Variants in HOMEZ observed in about 807,000 individuals in gnomAD.
HOMEZ encodes the protein homeobox and leucine zipper protein Homez.
Under a neutral mutation model 50.1 loss-of-function variants are expected in HOMEZ, and 20 were observed. That is an observed-to-expected ratio of 0.40 (90% CI 0.28 to 0.58). The LOEUF (loss-of-function observed/expected upper bound fraction) is 0.58. Ranked by LOEUF, HOMEZ falls within the 20% of genes least tolerant of loss-of-function variation. The probability of loss-of-function intolerance (pLI) is 0.46; values close to 1 mark genes in which losing one functional copy is unlikely to be tolerated. For synonymous variants in HOMEZ, 239 were observed against 254.7 expected, an observed-to-expected ratio of 0.94 and a Z score of 0.59; for missense variants, 579 against 680.5, an observed-to-expected ratio of 0.85 and a Z score of 1.66.
intron 1 of HOMEZ, among the ~76,000 whole-genome samples, chr14:23,280,715 AT>A (rs1164259694): frequency 6.7e-5 from 4 of 60,082 alleles, no homozygotes; most frequent in East Asian, 4.2e-4. Flanking sequence ...TTTTATTTTT[AT>A]TTTATTTTAT....
At chr14:23,277,566 C>G (rs960405468) in intron 1 of HOMEZ, among the ~76,000 whole-genome samples, 1 of 152,028 alleles carries the variant, frequency 6.6e-6, no homozygotes, top group East Asian at 1.9e-4. Context: ...CCAGCCTGGG[C>G]AACACAGTGA....
chr14:23,280,705 T>TTTA lies in HOMEZ; in HGVS notation c.41-3519_41-3518insTAA, dbSNP rs1555323531. On this transcript the variant is annotated intron_variant, in intron 1 of 1. Transcript: ENST00000357460. ...TTATATTTTATTTTTATTTTTATAT[T>TTTA]TTTATTTTTATTTTATTTTATTTTA... Among the ~76,000 whole-genome samples the TTTA allele has an allele frequency of 1.2e-4, 7 of 59,730 alleles. 1 individual carries two copies. The highest frequency in any genetic ancestry group is 1.5e-4 in the Non-Finnish European group (4 of 26,284). 39.2% of individuals were successfully genotyped at this position (59,730 alleles called of 152,430 possible).
chr14:23,276,730 T>G lies in HOMEZ; in HGVS notation c.498A>C (p.Gly166=), dbSNP rs767171943. Residue 166 remains glycine (G), a synonymous_variant, in exon 2 of 2, where the codon GGA becomes GGC. Coordinates refer to ENST00000357460, the MANE Select transcript of HOMEZ (RefSeq NM_020834.3). The surrounding 1 kb of genome is among the most constrained non-coding windows in gnomAD (Gnocchi z 4.1). ...PVPAPEQVGI[G]IGPPTLSKPT... ...GCTTGCTAAGAGTTGGAGGACCTAT[T>G]CCAATACCAACTTGCTCTGGAGCTG... The G allele has an allele frequency of 1.9e-6, 3 of 1,614,000 alleles. No individual in the cohort carries two copies. Among genetic ancestry groups the G allele is most frequent in the Non-Finnish European group, 2.5e-6 (3 of 1,179,886 alleles).
Position 23,276,111 on chromosome 14 carries a change from A to C in HOMEZ, c.1117T>G (p.Ser373Ala). The C allele has an allele frequency of 6.2e-7, 1 of 1,613,956 alleles. No homozygotes were observed. Among genetic ancestry groups the C allele is most frequent in the Non-Finnish European group, 8.5e-7 (1 of 1,179,872 alleles). The change falls in exon 2 of 2, where the codon TCC (serine) becomes GCC (alanine). Residue 373 changes from serine (S) to alanine (A), a missense_variant. Ser to Ala is a moderately conservative substitution (Grantham distance 99, BLOSUM62 1). Coordinates refer to ENST00000357460, the MANE Select transcript of HOMEZ (RefSeq NM_020834.3). This position sits in a 1 kb window ranked among gnomAD's most constrained non-coding sequence, Gnocchi z 4.1. ...KTKEQLAILK[S>A]FFLQCQWARR... Reference sequence around the variant, plus strand: ...GCCCACTGGCACTGTAAAAAAAAGGATTTAAGGATAGCCAGCTGCTCTTTG... The same window carrying C: ...GCCCACTGGCACTGTAAAAAAAAGGCTTTAAGGATAGCCAGCTGCTCTTTG...
rs1422439221 is a variant in HOMEZ at position 23,276,091 on chromosome 14, C to A, written c.1137G>T (p.Gln379His). 1.2e-6 allele frequency: 2 copies of A among 1,613,944 alleles called. No homozygotes were observed. The highest frequency in any genetic ancestry group is 1.7e-6 in the Non-Finnish European group (2 of 1,179,910). Residue 379 changes from glutamine to histidine, a missense_variant, in exon 2 of 2, where the codon CAG (glutamine) becomes CAT (histidine). Coordinates refer to ENST00000357460, the MANE Select transcript of HOMEZ (RefSeq NM_020834.3). The surrounding 1 kb of genome is among the most constrained non-coding windows in gnomAD (Gnocchi z 4.1). ...AILKSFFLQC[Q>H]WARREDYQKL... ...TTTGGTAATCCTCACGCCGTGCCCACTGGCACTGTAAAAAAAAGGATTTAA... is the reference window on the plus strand; with the variant it reads ...TTTGGTAATCCTCACGCCGTGCCCAATGGCACTGTAAAAAAAAGGATTTAA...
At position 23,277,033 on chromosome 14, in the gene HOMEZ, G is replaced by A; in HGVS notation, c.195C>T (p.Asp65=). The change falls in exon 2 of 2, where the codon GAC becomes GAT. Residue 65 remains aspartate (D), a synonymous_variant. Coordinates refer to ENST00000357460, the MANE Select transcript of HOMEZ (RefSeq NM_020834.3). ...WTQAAQTSEL[D]SNEHLLKTFS... Reference sequence around the variant, plus strand: ...AGGTTTTGAGCAGGTGTTCATTGCTGTCTAGCTCACTGGTCTGGGCTGCTT... The same window carrying A: ...AGGTTTTGAGCAGGTGTTCATTGCTATCTAGCTCACTGGTCTGGGCTGCTT... 3 of 1,614,032 alleles carry A rather than the reference G, an allele frequency of 1.9e-6. No individual in the cohort carries two copies. Among genetic ancestry groups the A allele is most frequent in the Non-Finnish European group, 2.5e-6 (3 of 1,179,908 alleles).
chr14:23,280,717 T>C (rs538634933), intron 1 of HOMEZ, among the ~76,000 whole-genome samples: 10 of 64,932 alleles, frequency 1.5e-4, no homozygotes, highest in Admixed American at 7.4e-4. Flanking sequence ...TTATTTTTAT[T>C]TTATTTTATT....
Position 23,275,908 on chromosome 14 carries a change from T to C in HOMEZ, c.1320A>G (p.Pro440=). Residue 440 remains proline, a synonymous_variant, in exon 2 of 2, where the codon CCA becomes CCG. Transcript: ENST00000357460. The stretch of plus-strand genomic sequence containing the variant: ...CCCTTTCGTTCAAGGAGCGGGTTGA[T>C]GGTGGTGGTGTAGGAATTGCTGGGT... ...FQDPAIPTPP[P]STRSLNERAE... is the part of the protein sequence containing the mutation. The C allele has an allele frequency of 1.2e-6, 2 of 1,605,324 alleles. No homozygotes were observed. The highest frequency in any genetic ancestry group is 1.7e-6 in the Non-Finnish European group (2 of 1,175,248).
rs1321399513 is a variant in HOMEZ, at chr14:23,274,769, G to A, written c.*806C>T. On this transcript the variant is annotated 3_prime_UTR_variant, in exon 2 of 2. Transcript: ENST00000357460. ...AAAATATAAAAAAGTAGCCGGGTGT[G>A]GTGGCAGGTGCCTGTAGTCCCAGCT... 1 of 152,238 alleles carries A rather than the reference G, an allele frequency of 6.6e-6. No homozygotes were observed. Among genetic ancestry groups the A allele is most frequent in the African/African-American group, 2.4e-5 (1 of 41,448 alleles). The allele number at this position is 152,238 out of a possible 1,614,324, so 9.4% of individuals were successfully genotyped here.
intron 1 of HOMEZ, 29 bp from the exon 2 acceptor site, chr14:23,277,216 A>G: frequency 1.3e-6 from 2 of 1,496,388 alleles, no homozygotes; most frequent in Non-Finnish European, 1.8e-6. Context: ...CAGCTCAATC[A>G]CTGGGTCTCC....
chr14:23,281,193 C>T (rs1286296444), intron 1 of HOMEZ, among the ~76,000 whole-genome samples: 1 of 152,150 alleles, frequency 6.6e-6, no homozygotes, highest in Non-Finnish European at 1.5e-5. Context: ...AATGTGATCG[C>T]AGGGATTTTA....
Position 23,275,324 on chromosome 14 carries a change from G to T in HOMEZ, c.*251C>A. ...AGCTTCCCAGCCCATGGTTTCCCCAGATCCTTAGCACTCCCTACCCTAAGG... is the reference window on the plus strand; with the variant it reads ...AGCTTCCCAGCCCATGGTTTCCCCATATCCTTAGCACTCCCTACCCTAAGG... On this transcript the variant is annotated 3_prime_UTR_variant, in exon 2 of 2. Transcript: ENST00000357460. The T allele has an allele frequency of 2.0e-5, 10 of 505,552 alleles. No individual in the cohort carries two copies. The highest frequency in any genetic ancestry group is 1.3e-4 in the South Asian group (4 of 30,516). 31.3% of individuals were successfully genotyped at this position (505,552 alleles called of 1,614,324 possible). A position where few individuals can be genotyped will look rare whatever the true frequency, so the allele number is the denominator to read the frequency against.
At chr14:23,277,854 G>A (rs990609540) in intron 1 of HOMEZ, among the ~76,000 whole-genome samples, 4 of 151,740 alleles carry the variant, frequency 2.6e-5, no homozygotes, top group Non-Finnish European at 4.4e-5. Context: ...TTTTGAGATG[G>A]AGTCTCACTC....
intron 1 of HOMEZ, among the ~76,000 whole-genome samples, chr14:23,279,650 T>C (rs546805573): frequency 2.1e-4 from 32 of 152,326 alleles, no homozygotes; most frequent in Non-Finnish European, 4.0e-4. Flanking sequence ...ATTGATTCTT[T>C]GAAGAGAAAT....
At chr14:23,280,725 ATTTTATTTTATTTTATTATT>A (rs1886508511) in intron 1 of HOMEZ, among the ~76,000 whole-genome samples, 765 of 68,514 alleles carry the variant, frequency 0.011, 18 homozygotes, top group African/African-American at 0.04. Context: ...ATTTTATTTT[ATTTTATTTTATTTTATTATT>A]TTATTTTATT....
At chr14:23,283,156 G>A (rs1475180616) in intron 1 of HOMEZ, among the ~76,000 whole-genome samples, 1 of 152,128 alleles carries the variant, frequency 6.6e-6, no homozygotes, top group Non-Finnish European at 1.5e-5. Context: ...TGGTGGTGGT[G>A]GTGAATATCT....
rs775756013 is a variant in HOMEZ at position 23,272,469 on chromosome 14, T to A, written c.*3106A>T. 1.2e-5 allele frequency: 3 copies of A among 251,050 alleles called. No homozygotes were observed. Among genetic ancestry groups the A allele is most frequent in the South Asian group, 4.3e-5 (1 of 23,478 alleles). 15.6% of individuals were successfully genotyped at this position (251,050 alleles called of 1,614,324 possible). On this transcript the variant is annotated 3_prime_UTR_variant, in exon 2 of 2. Transcript: ENST00000357460. ...ACAAACAACCGAAAATGTGAAAAAA[T>A]TTTAAAGTTATTGAAGGAAATGCCA...
At chr14:23,277,591 T>C (rs1464690501) in intron 1 of HOMEZ, among the ~76,000 whole-genome samples, 1 of 151,956 alleles carries the variant, frequency 6.6e-6, no homozygotes, top group East Asian at 1.9e-4. Flanking sequence ...ACAAAAAATT[T>C]AAAAATCAGC....
At chr14:23,279,342 A>ATCT (rs1204749363) in intron 1 of HOMEZ, among the ~76,000 whole-genome samples, 1 of 152,180 alleles carries the variant, frequency 6.6e-6, no homozygotes, top group Non-Finnish European at 1.5e-5. Context: ...AGAGGGGAAG[A>ATCT]AGTTCTTATT....
Sources: gnomAD v4.1 joint callset for allele counts (sites outside exome capture counted in the v4.1 genomes callset) on GRCh38, gnomAD v4.1.1 for gene constraint, Gnocchi (gnomAD v3.1) non-coding constraint, MANE v1.5 for transcripts, NCBI Gene and HGNC (gene_info 2026-07-23, HGNC 2026-07-21) for gene names.